IQCK: variants seen among roughly 807,000 people sequenced by gnomAD.
The protein encoded by IQCK is IQ domain-containing protein K.
IQCK carries 29 observed loss-of-function variants against 28.1 expected under a neutral mutation model. The ratio of observed to expected loss-of-function variants is 1.03; its 90% CI spans 0.77 to 1.41. IQCK has a LOEUF of 1.41. Among genes scored for constraint, IQCK ranks in the 40% most tolerant of loss-of-function variants. The probability of loss-of-function intolerance (pLI) is 0.00; values close to 1 mark genes in which losing one functional copy is unlikely to be tolerated. For synonymous variants in IQCK, 113 were observed against 115.1 expected, an observed-to-expected ratio of 0.98 and a Z score of 0.12; for missense variants, 359 against 314.7, an observed-to-expected ratio of 1.14 and a Z score of -1.07.
intron 9 of IQCK, among the ~76,000 whole-genome samples, chr16:19,836,792 G>A (rs892609908): frequency 3.3e-5 from 5 of 152,172 alleles, no homozygotes; most frequent in African/African-American, 7.2e-5. Flanking sequence ...GATTACAGGC[G>A]TTAGCCACCG....
chr16:19,810,478 CAG>C (rs2055889536), intron 7 of IQCK, among the ~76,000 whole-genome samples: 1 of 140,304 alleles, frequency 7.1e-6, no homozygotes, highest in Non-Finnish European at 1.5e-5. Context: ...GCCTGGGTGA[CAG>C]AGTGAGACTC....
At chr16:19,851,887 G>A (rs1245924408) in intron 9 of IQCK, among the ~76,000 whole-genome samples, 2 of 152,162 alleles carry the variant, frequency 1.3e-5, no homozygotes, top group Admixed American at 1.3e-4. Flanking sequence ...TCCCTCCGCT[G>A]ATCAAGTACC....
At chr16:19,723,017 C>T (rs1446000993) in intron 1 of IQCK, among the ~76,000 whole-genome samples, 1 of 152,086 alleles carries the variant, frequency 6.6e-6, no homozygotes. Context: ...CGGCCTGCTT[C>T]CCTTTCACTT....
chr16:19,731,714 A>G (rs1358119439), intron 2 of IQCK, among the ~76,000 whole-genome samples: 1 of 152,224 alleles, frequency 6.6e-6, no homozygotes, highest in African/African-American at 2.4e-5. Context: ...AGACAGAATC[A>G]GTAGGATACA....
chr16:19,774,066 G>A (rs1439850484), intron 6 of IQCK, among the ~76,000 whole-genome samples: 1 of 152,188 alleles, frequency 6.6e-6, no homozygotes, highest in Non-Finnish European at 1.5e-5. Context: ...GAAGATGACA[G>A]TGAGTCAAAT....
At chr16:19,746,300 G>A (rs1050361111) in intron 4 of IQCK, among the ~76,000 whole-genome samples, 1 of 151,988 alleles carries the variant, frequency 6.6e-6, no homozygotes, top group East Asian at 1.9e-4. Flanking sequence ...GGAGAATGGG[G>A]TTTCCATCCC....
At chr16:19,784,759 C>T (rs1001014215) in intron 6 of IQCK, among the ~76,000 whole-genome samples, 3 of 152,180 alleles carry the variant, frequency 2.0e-5, no homozygotes, top group Non-Finnish European at 2.9e-5. Context: ...AATCAAAGGA[C>T]ATTTTTCAAT....
chr16:19,744,212 TAAAC>T (rs763886953), intron 4 of IQCK, among the ~76,000 whole-genome samples: 7 of 152,256 alleles, frequency 4.6e-5, no homozygotes, highest in Non-Finnish European at 7.3e-5. Context: ...ATATAGTTTC[TAAAC>T]AAACAGTTGT....
chr16:19,834,554 C>T (rs1217649547), intron 9 of IQCK, among the ~76,000 whole-genome samples: 1 of 152,224 alleles, frequency 6.6e-6, no homozygotes, highest in South Asian at 2.1e-4. Context: ...TCCCAGCCTG[C>T]ACCCTGACAC....
chr16:19,748,738 G>T (rs1316257731), intron 4 of IQCK, among the ~76,000 whole-genome samples: 1 of 152,086 alleles, frequency 6.6e-6, no homozygotes, highest in African/African-American at 2.4e-5. Flanking sequence ...GACTCTCCTT[G>T]TCATTCTGAA....
chr16:19,775,942 C>G (rs2055387986), intron 6 of IQCK, among the ~76,000 whole-genome samples: 1 of 133,414 alleles, frequency 7.5e-6, no homozygotes, highest in African/African-American at 3.0e-5. Flanking sequence ...AGTGCAGTGG[C>G]ACGATCTAGG....
At chr16:19,834,101 C>A (rs11642014) in intron 9 of IQCK, among the ~76,000 whole-genome samples, 44,765 of 151,910 alleles carry the variant, frequency 0.29, 7,941 homozygotes, top group African/African-American at 0.49. Flanking sequence ...TAAATAAATA[C>A]ATAAGATATG....
chr16:19,825,413 G>C lies in IQCK; in HGVS notation c.691-1613G>C, dbSNP rs542874287. On this transcript the variant is annotated intron_variant, in intron 7 of 7. Transcript: ENST00000564186. The surrounding 1 kb of genome is among the most constrained non-coding windows in gnomAD (Gnocchi z 4.2). Reference sequence around the variant, plus strand: ...TGCACACCTGTATTCCCAGCTACTTGGGAGGCTGAGGCAGGAGAATTGCTT... The same window carrying C: ...TGCACACCTGTATTCCCAGCTACTTCGGAGGCTGAGGCAGGAGAATTGCTT... Among the ~76,000 whole-genome samples the C allele has an allele frequency of 2.8e-3, 427 of 152,172 alleles. 1 individual carries two copies. The highest frequency in any genetic ancestry group is 0.01 in the African/African-American group (416 of 41,502).
At chr16:19,761,551 G>T in intron 4 of IQCK, 1 of 252,458 alleles carries the variant, frequency 4.0e-6, no homozygotes, top group South Asian at 3.9e-5. Flanking sequence ...TTGATTCTTA[G>T]CTCCTGCTAT....
At chr16:19,761,087 C>G (rs1194380047) in intron 4 of IQCK, 1 of 253,486 alleles carries the variant, frequency 3.9e-6, no homozygotes, top group African/African-American at 2.2e-5. Context: ...TCTTTATGAC[C>G]TATATGTTGT....
intron 4 of IQCK, among the ~76,000 whole-genome samples, chr16:19,752,627 C>T (rs1030556162): frequency 3.3e-5 from 5 of 152,108 alleles, no homozygotes; most frequent in Admixed American, 1.3e-4. Flanking sequence ...GGAGTCAGAT[C>T]ATAGCTCACT....
At chr16:19,735,393 T>C (rs1222213569) in exon 4 of IQCK, 3 of 1,614,048 alleles carry the variant, frequency 1.9e-6, no homozygotes, top group Admixed American at 3.3e-5. Context: ...TCTTTCCTGT[T>C]CTGCTTCCCG....
chr16:19,841,591 C>G (rs2056362550), intron 9 of IQCK, among the ~76,000 whole-genome samples: 1 of 152,180 alleles, frequency 6.6e-6, no homozygotes. Flanking sequence ...GAAAACCCAA[C>G]TGAGAGACAA....
intron 9 of IQCK, among the ~76,000 whole-genome samples, chr16:19,839,457 G>T (rs1041874336): frequency 6.7e-6 from 1 of 150,004 alleles, no homozygotes; most frequent in Non-Finnish European, 1.5e-5. Context: ...CACCACACCC[G>T]GCCAGTCACC....
Sources: gnomAD v4.1 joint callset for allele counts (sites outside exome capture counted in the v4.1 genomes callset) on GRCh38, gnomAD v4.1.1 for gene constraint, Gnocchi (gnomAD v3.1) non-coding constraint, MANE v1.5 for transcripts, NCBI Gene and HGNC (gene_info 2026-07-23, HGNC 2026-07-21) for gene names.